The following STK33 variants were observed in gnomAD, a reference collection of about 807,000 sequenced individuals.
The protein encoded by STK33 is serine/threonine-protein kinase 33.
A neutral mutation model predicts 58.0 loss-of-function variants in STK33; 52 were observed. That is an observed-to-expected ratio of 0.90 (90% confidence interval 0.72 to 1.13). The LOEUF is 1.13. Among genes scored for constraint, STK33 ranks in the 50% most tolerant of loss-of-function variants. STK33 has a pLI of 0.00. For synonymous variants in STK33, 215 were observed against 200.1 expected (o/e 1.07, Z -0.63); for missense variants, 630 against 604.2 (o/e 1.04, Z -0.45).
intron 1 of STK33, among the ~76,000 whole-genome samples, chr11:8,501,031 T>C (rs1463133830): frequency 6.6e-6 from 1 of 152,162 alleles, no homozygotes; most frequent in Non-Finnish European, 1.5e-5. Flanking sequence ...TCACACCATA[T>C]ACAAAACTTA....
At chr11:8,361,721 G>T in the STK33 span, among the ~76,000 whole-genome samples, 1 of 152,330 alleles carries the variant, frequency 6.6e-6, no homozygotes, top group South Asian at 2.1e-4. The surrounding 1 kb of genome is among the most constrained non-coding windows in gnomAD (Gnocchi z 4.8). Context: ...TGTCTTATCT[G>T]TACGTGGAGC....
At position 8,441,467 on chromosome 11, in the gene STK33, G is replaced by A. The variant is rs7130983; in HGVS notation, c.872-714C>T. On this transcript the variant is annotated intron_variant, in intron 11 of 15. Coordinates refer to ENST00000687296, the MANE Select transcript of STK33 (RefSeq NM_001352389.2). ...ACTAGGTTCAAGGTATCATCCCACC[G>A]CAGCTTCCTGAGTAGCTAGGACTAC... Among the ~76,000 whole-genome samples, 1,257 of 152,002 alleles carry A rather than the reference G, an allele frequency of 8.3e-3. 10 individuals carry two copies. Among genetic ancestry groups the A allele is most frequent in the African/African-American group, 0.02 (816 of 41,452 alleles).
chr11:8,397,672 G>A (rs1849598308), intron 15 of STK33, among the ~76,000 whole-genome samples: 1 of 152,102 alleles, frequency 6.6e-6, no homozygotes, highest in South Asian at 2.1e-4. Context: ...CGAGCTAAAG[G>A]AGGAAGTCTG....
At position 8,473,071 on chromosome 11, in the gene STK33, T is replaced by G. The variant is rs3763961; in HGVS notation, c.339+92A>C. The G allele has an allele frequency of 5.4e-4, 414 of 766,418 alleles. 1 individual carries two copies. The East Asian group carries it at 0.011, about 20-fold the overall frequency. The allele number at this position is 766,418 out of a possible 1,614,324, so 47.5% of individuals were successfully genotyped here. A position where few individuals can be genotyped will look rare whatever the true frequency, so the allele number is the denominator to read the frequency against. On this transcript the variant is annotated intron_variant, in intron 6 of 15. Transcript: ENST00000687296. ...TTCCTCTTTTCTTTACTTCCTTTCCTTAGAGATTTATTTTTCAATCATTTT... is the reference window on the plus strand; with the variant it reads ...TTCCTCTTTTCTTTACTTCCTTTCCGTAGAGATTTATTTTTCAATCATTTT...
At chr11:8,483,752 A>G (rs1434736964) in intron 1 of STK33, among the ~76,000 whole-genome samples, 1 of 152,224 alleles carries the variant, frequency 6.6e-6, no homozygotes, top group Admixed American at 6.5e-5. Flanking sequence ...AAATTTAGTG[A>G]CAAATTCACT....
chr11:8,457,240 A>C, intron 9 of STK33, 101 bp downstream of exon 9: 1 of 1,017,780 alleles, frequency 9.8e-7, no homozygotes, highest in Non-Finnish European at 1.3e-6. Context: ...CTATATTAGC[A>C]GGTGTTATTT....
At chr11:8,414,987 C>A (rs1940907565) in intron 14 of STK33, among the ~76,000 whole-genome samples, 1 of 152,086 alleles carries the variant, frequency 6.6e-6, no homozygotes. Context: ...CATTAAAGAG[C>A]TGAAATCAGG....
chr11:8,376,542 CTTTTT>C, the STK33 span, among the ~76,000 whole-genome samples: 1 of 151,540 alleles, frequency 6.6e-6, no homozygotes, highest in Admixed American at 6.6e-5. Context: ...GGCTTTGATT[CTTTTT>C]TCTTTTTTTT....
chr11:8,443,809 G>A (rs1242573861), intron 11 of STK33, among the ~76,000 whole-genome samples: 1 of 152,078 alleles, frequency 6.6e-6, no homozygotes, highest in Non-Finnish European at 1.5e-5. Flanking sequence ...GATCAGCCGG[G>A]GCATGAGATC....
Position 8,536,950 on chromosome 11 carries a change from TAAAAAAA to T in STK33, c.-465-56343_-465-56337del, listed in dbSNP as rs879045592. Among the ~76,000 whole-genome samples the T allele has an allele frequency of 4.6e-3, 400 of 86,926 alleles. 4 individuals are homozygous for T. The highest frequency in any genetic ancestry group is 7.6e-3 in the Non-Finnish European group (355 of 46,970). 57.0% of individuals were successfully genotyped at this position (86,926 alleles called of 152,430 possible). On this transcript the variant is annotated intron_variant, in intron 1 of 15. Coordinates refer to ENST00000687296, the MANE Select transcript of STK33 (RefSeq NM_001352389.2). ...GCATGCACTGCCATACCCAGCTAAT[TAAAAAAA>T]AAAAAAAAAAAAAGATTTTTTTTTT...
intron 1 of STK33, among the ~76,000 whole-genome samples, chr11:8,490,429 G>C (rs972585771): frequency 1.4e-5 from 2 of 147,932 alleles, no homozygotes; most frequent in Non-Finnish European, 3.0e-5. Context: ...CTTGAACTGG[G>C]CAGAGCGCAC....
At chr11:8,397,551 G>A (rs1218557062) in intron 15 of STK33, among the ~76,000 whole-genome samples, 2 of 152,170 alleles carry the variant, frequency 1.3e-5, no homozygotes. Flanking sequence ...AAAAATCGGA[G>A]CACCTCTCCT....
chr11:8,583,809 A>G (rs1321768875), intron 1 of STK33, among the ~76,000 whole-genome samples: 2 of 152,270 alleles, frequency 1.3e-5, no homozygotes, highest in African/African-American at 4.8e-5. Flanking sequence ...TGGAGATTAC[A>G]GCAATCAGAC....
chr11:8,560,951 C>T (rs112721550), intron 1 of STK33, among the ~76,000 whole-genome samples: 4 of 152,162 alleles, frequency 2.6e-5, no homozygotes, highest in African/African-American at 7.2e-5. Flanking sequence ...TCTCTCTCCA[C>T]GAAGATAAAT....
intron 1 of STK33, among the ~76,000 whole-genome samples, chr11:8,501,548 A>G (rs1391669936): frequency 6.6e-6 from 1 of 152,168 alleles, no homozygotes; most frequent in Non-Finnish European, 1.5e-5. Flanking sequence ...CAAGTGCTGG[A>G]GAGTGTATAA....
intron 1 of STK33, among the ~76,000 whole-genome samples, chr11:8,483,394 G>A (rs916017990): frequency 5.3e-5 from 8 of 152,116 alleles, no homozygotes; most frequent in Non-Finnish European, 7.4e-5. Context: ...GAAAAGATTC[G>A]GGTTAAATAA....
At chr11:8,573,568 T>C (rs75896550) in intron 1 of STK33, among the ~76,000 whole-genome samples, 12,693 of 152,256 alleles carry the variant, frequency 0.083, 709 homozygotes, top group East Asian at 0.25. Context: ...ACCCAGTCGT[T>C]GTACTCTTGG....
downstream of STK33, among the ~76,000 whole-genome samples, chr11:8,391,275 GAC>G (rs1848618212): frequency 1.3e-5 from 2 of 152,322 alleles, no homozygotes; most frequent in East Asian, 3.9e-4. Context: ...CTATGTTAAT[GAC>G]AGTTTAAAAT....
chr11:8,357,530 C>T, the STK33 span, among the ~76,000 whole-genome samples: 13 of 152,350 alleles, frequency 8.5e-5, no homozygotes, highest in African/African-American at 2.9e-4. Context: ...CCAGTTGTGC[C>T]GGGCATAATT....
Sources: allele counts gnomAD v4.1 joint callset (sites outside exome capture counted in the v4.1 genomes callset), GRCh38; gene constraint gnomAD v4.1.1; non-coding constraint Gnocchi (gnomAD v3.1); transcripts MANE v1.5; gene names NCBI Gene and HGNC (gene_info 2026-07-23, HGNC 2026-07-21).